FBXL13: variants seen among roughly 807,000 people sequenced by gnomAD.
The protein encoded by FBXL13 is F-box and leucine-rich repeat protein 13.
In FBXL13, 67 loss-of-function variants were observed where a neutral mutation model predicts 83.6. The observed-to-expected ratio is 0.80, with a 90% CI of 0.66 to 0.98. The LOEUF is 0.98. Ranked by LOEUF, FBXL13 falls within the 50% of genes least tolerant of loss-of-function variation. The pLI is 0.00. For synonymous variants in FBXL13, 272 were observed against 299.5 expected, an observed-to-expected ratio of 0.91 and a Z score of 0.95; for missense variants, 822 against 866.5, an observed-to-expected ratio of 0.95 and a Z score of 0.64.
intron 6 of FBXL13, among the ~76,000 whole-genome samples, chr7:102,991,170 G>GA (rs1341207862): frequency 1.3e-5 from 2 of 151,962 alleles, no homozygotes; most frequent in South Asian, 2.1e-4. Flanking sequence ...ATGCTAAAAA[G>GA]AAAAAAATAT....
intron 16 of FBXL13, among the ~76,000 whole-genome samples, chr7:102,875,309 A>C (rs1340551533): frequency 6.6e-6 from 1 of 151,346 alleles, no homozygotes; most frequent in Non-Finnish European, 1.5e-5. Flanking sequence ...TCAAAAGGAA[A>C]GGAGCAAATA....
At chr7:102,834,151 A>AAGAGT (rs1801414804) in intron 17 of FBXL13, among the ~76,000 whole-genome samples, 2 of 78,786 alleles carry the variant, frequency 2.5e-5, no homozygotes, top group African/African-American at 2.1e-4. Flanking sequence ...AAGAGAAGAC[A>AAGAGT]AGAGAAAAGA....
intron 6 of FBXL13, among the ~76,000 whole-genome samples, chr7:103,011,204 G>A (rs1005402068): frequency 6.6e-6 from 1 of 152,096 alleles, no homozygotes; most frequent in Non-Finnish European, 1.5e-5. Flanking sequence ...TGAAATGGAT[G>A]AGATGTCAGA....
intron 2 of FBXL13, among the ~76,000 whole-genome samples, chr7:103,031,559 G>C (rs529895902): frequency 6.6e-6 from 1 of 152,290 alleles, no homozygotes; most frequent in Admixed American, 6.5e-5. Flanking sequence ...GATGGCCTCA[G>C]AGTACCCTCA....
At chr7:103,072,327 G>T (rs2129507474) in intron 1 of FBXL13, among the ~76,000 whole-genome samples, 1 of 152,324 alleles carries the variant, frequency 6.6e-6, no homozygotes, top group Non-Finnish European at 1.5e-5. Flanking sequence ...GTGGGGCCCA[G>T]AGGATTGCTC....
intron 19 of FBXL13, chr7:102,814,350 C>G (rs1797707226): frequency 6.6e-6 from 1 of 151,964 alleles, no homozygotes; most frequent in African/African-American, 2.4e-5. Flanking sequence ...TTATTAATTG[C>G]AAAAGTCTGG....
At chr7:102,911,760 G>A (rs1157023259) in intron 11 of FBXL13, among the ~76,000 whole-genome samples, 1 of 152,214 alleles carries the variant, frequency 6.6e-6, no homozygotes, top group Non-Finnish European at 1.5e-5. Flanking sequence ...TCAGTAAGAA[G>A]CTGGTCTAAA....
chr7:102,854,176 G>A (rs1225194735), intron 17 of FBXL13, among the ~76,000 whole-genome samples: 1 of 152,150 alleles, frequency 6.6e-6, no homozygotes, highest in African/African-American at 2.4e-5. Context: ...ATACACCATG[G>A]AATACTATGC....
At chr7:102,871,465 A>T (rs1808527399) in intron 16 of FBXL13, among the ~76,000 whole-genome samples, 1 of 151,862 alleles carries the variant, frequency 6.6e-6, no homozygotes, top group Non-Finnish European at 1.5e-5. Context: ...GGCTCACTGC[A>T]GGCTTGACCT....
At chr7:102,883,129 A>G (rs1185067805) in intron 14 of FBXL13, among the ~76,000 whole-genome samples, 176 bp downstream of exon 15, 3 of 151,382 alleles carry the variant, frequency 2.0e-5, no homozygotes, top group Admixed American at 2.0e-4. Flanking sequence ...CATATAATCA[A>G]CCTGGGTTGG....
intron 9 of FBXL13, among the ~76,000 whole-genome samples, chr7:102,927,305 ATCAG>A (rs1328291054): frequency 2.6e-5 from 4 of 152,334 alleles, no homozygotes; most frequent in African/African-American, 9.6e-5. Flanking sequence ...TTGACGCTAC[ATCAG>A]TCCCAGAAAG....
At chr7:102,905,102 T>C (rs367630612) in intron 11 of FBXL13, among the ~76,000 whole-genome samples, 1 of 150,976 alleles carries the variant, frequency 6.6e-6, no homozygotes, top group Non-Finnish European at 1.5e-5. Context: ...TTGGATGAAG[T>C]GTTCTGTAAA....
chr7:103,046,257 T>C (rs1796263452), intron 2 of FBXL13, among the ~76,000 whole-genome samples: 1 of 152,240 alleles, frequency 6.6e-6, no homozygotes, highest in Non-Finnish European at 1.5e-5. Flanking sequence ...TACTTTTCTG[T>C]TTAGCCAATT....
At chr7:102,885,928 C>T (rs1810736313) in intron 11 of FBXL13, among the ~76,000 whole-genome samples, 1 of 152,030 alleles carries the variant, frequency 6.6e-6, no homozygotes, top group Non-Finnish European at 1.5e-5. Flanking sequence ...GACAATTGGC[C>T]ATAAATGTAT....
intron 8 of FBXL13, among the ~76,000 whole-genome samples, chr7:102,946,826 C>T (rs1195578316): frequency 6.6e-6 from 1 of 152,002 alleles, no homozygotes; most frequent in South Asian, 2.1e-4. Context: ...AGGCGCCCAC[C>T]ACCACACCCA....
chr7:102,940,489 C>T (rs1289675568), intron 8 of FBXL13, among the ~76,000 whole-genome samples: 5 of 152,236 alleles, frequency 3.3e-5, no homozygotes, highest in Non-Finnish European at 4.4e-5. Context: ...GGATTACAGG[C>T]GTGAGCCACC....
rs776220490 is a variant in FBXL13 at position 102,835,603 on chromosome 7, G to GTTTT, written c.1720-2633_1720-2630dup. Among the ~76,000 whole-genome samples the GTTTT allele has an allele frequency of 3.4e-3, 329 of 97,464 alleles. 10 individuals are homozygous for GTTTT. The highest frequency in any genetic ancestry group is 3.9e-3 in the Non-Finnish European group (206 of 53,442). 63.9% of individuals were successfully genotyped at this position (97,464 alleles called of 152,430 possible). On this transcript the variant is annotated intron_variant, in intron 17 of 19. Coordinates refer to ENST00000313221, the Ensembl canonical transcript of FBXL13. The stretch of plus-strand genomic sequence containing the variant: ...ATGTTGCAAGAAGTAAGGTGACATT[G>GTTTT]TTTTTTTTTTTTTTTTTTTTTTTTG...
chr7:103,030,090 T>G lies in FBXL13; in HGVS notation c.1-672A>C, dbSNP rs550081640. The G allele has an allele frequency of 2.6e-5, 4 of 152,324 alleles. No homozygotes were observed. In the South Asian group the frequency reaches 6.2e-4, roughly 24 times the overall value. The allele number at this position is 152,324 out of a possible 1,614,324, so 9.4% of individuals were successfully genotyped here. A position where few individuals can be genotyped will look rare whatever the true frequency, so the allele number is the denominator to read the frequency against. On this transcript the variant is annotated intron_variant, in intron 2 of 19. Transcript: ENST00000313221. ...TTTTCCTCTTATTTTGTTGCCCCTT[T>G]GCTTACTATATAGATATACAAACAT...
intron 9 of FBXL13, among the ~76,000 whole-genome samples, chr7:102,929,595 T>G (rs1413725904): frequency 7.5e-6 from 1 of 132,602 alleles, no homozygotes; most frequent in Non-Finnish European, 1.5e-5. Flanking sequence ...ACCTGGGAGG[T>G]GGAGGTTGTA....
Sources: gnomAD v4.1 joint callset for allele counts (sites outside exome capture counted in the v4.1 genomes callset) on GRCh38, gnomAD v4.1.1 for gene constraint, MANE v1.5 for transcripts, NCBI Gene and HGNC (gene_info 2026-07-23, HGNC 2026-07-21) for gene names.